MTUS1: variants seen among roughly 807,000 people sequenced by gnomAD.
MTUS1 encodes the protein microtubule associated scaffold protein 1.
A neutral mutation model predicts 120.8 loss-of-function variants in MTUS1; 109 were observed. The ratio of observed to expected loss-of-function variants is 0.90; its 90% confidence interval spans 0.77 to 1.06. The LOEUF (loss-of-function observed/expected upper bound fraction) is 1.06. MTUS1 is among the 50% of genes least tolerant of loss of function. The probability of loss-of-function intolerance (pLI) is 0.00; values close to 1 mark genes in which losing one functional copy is unlikely to be tolerated. For missense variants in MTUS1, 2,210 were observed against 1,486.3 expected, an observed-to-expected ratio of 1.49 and a Z score of -8.01; for synonymous variants, 737 against 550.5, an observed-to-expected ratio of 1.34 and a Z score of -4.74.
At chr8:17,695,364 G>C (rs183666029) in intron 6 of MTUS1, among the ~76,000 whole-genome samples, 1 of 152,248 alleles carries the variant, frequency 6.6e-6, no homozygotes, top group Admixed American at 6.5e-5. Context: ...CCTATCTCTG[G>C]CACTTACTGT....
At chr8:17,670,749 G>A (rs1406638039) in intron 8 of MTUS1, among the ~76,000 whole-genome samples, 3 of 152,048 alleles carry the variant, frequency 2.0e-5, no homozygotes, top group African/African-American at 7.3e-5. Flanking sequence ...CTTGAACCCG[G>A]AAGGCAGAGG....
chr8:17,667,964 G>A (rs1046462628), intron 8 of MTUS1, among the ~76,000 whole-genome samples: 10 of 152,126 alleles, frequency 6.6e-5, no homozygotes, highest in Non-Finnish European at 2.9e-5. Flanking sequence ...CACTATTATA[G>A]GAAGGGCAAG....
chr8:17,710,732 C>G (rs1193863572), intron 6 of MTUS1, among the ~76,000 whole-genome samples: 6 of 152,186 alleles, frequency 3.9e-5, no homozygotes, highest in South Asian at 2.1e-4. Flanking sequence ...CCCGTTCCAT[C>G]AGAGGAATCA....
At chr8:17,795,726 G>A (rs974329893) in intron 1 of MTUS1, among the ~76,000 whole-genome samples, 41 of 152,096 alleles carry the variant, frequency 2.7e-4, no homozygotes, top group African/African-American at 8.9e-4. Context: ...TGCAACCTCC[G>A]CCTCCCGGGT....
intron 1 of MTUS1, among the ~76,000 whole-genome samples, chr8:17,759,867 A>T (rs2048902063): frequency 6.6e-6 from 1 of 151,780 alleles, no homozygotes; most frequent in Non-Finnish European, 1.5e-5. Context: ...CAACCATTTA[A>T]CTTTCACTTA....
intron 6 of MTUS1, among the ~76,000 whole-genome samples, chr8:17,704,760 CTA>C: frequency 6.6e-6 from 1 of 152,110 alleles, no homozygotes; most frequent in Non-Finnish European, 1.5e-5. Flanking sequence ...CTCTGTCATT[CTA>C]TATGACTTTT....
chr8:17,761,024 T>G (rs532489875), intron 1 of MTUS1, among the ~76,000 whole-genome samples: 151 of 152,260 alleles, frequency 9.9e-4, no homozygotes, highest in South Asian at 5.0e-3. Flanking sequence ...GGAGATCTTT[T>G]TCAGAGAACA....
intron 1 of MTUS1, among the ~76,000 whole-genome samples, chr8:17,765,391 G>C (rs527990366): frequency 2.0e-5 from 3 of 152,214 alleles, no homozygotes; most frequent in African/African-American, 7.2e-5. Context: ...CACTTTGGGA[G>C]GCCGAGGCAG....
chr8:17,794,540 T>A (rs1488976678), intron 1 of MTUS1, among the ~76,000 whole-genome samples: 2 of 152,124 alleles, frequency 1.3e-5, no homozygotes, highest in African/African-American at 2.4e-5. Context: ...GCTCAGCCCT[T>A]TTAAATCCAT....
intron 1 of MTUS1, among the ~76,000 whole-genome samples, chr8:17,774,742 C>A (rs980679681): frequency 3.9e-5 from 6 of 151,974 alleles, no homozygotes; most frequent in Non-Finnish European, 5.9e-5. Context: ...CTTATACCCC[C>A]AAAAGCAGAA....
chr8:17,784,708 T>C (rs2131546013), intron 1 of MTUS1, among the ~76,000 whole-genome samples: 1 of 152,264 alleles, frequency 6.6e-6, no homozygotes, highest in Non-Finnish European at 1.5e-5. Context: ...GTTCCGTGGC[T>C]ACAGAATGGG....
chr8:17,783,306 T>C (rs1359827855), intron 1 of MTUS1, among the ~76,000 whole-genome samples: 1 of 152,138 alleles, frequency 6.6e-6, no homozygotes, highest in African/African-American at 2.4e-5. Flanking sequence ...GGAGTTGGAA[T>C]TTTCCAAACA....
chr8:17,756,124 C>T (rs900742379), intron 1 of MTUS1, 163 bp from the exon 2 acceptor site: 11 of 258,210 alleles, frequency 4.3e-5, no homozygotes, highest in East Asian at 1.9e-4. Flanking sequence ...AATCTATCAC[C>T]GCTTTTCAAG....
At chr8:17,677,509 A>C (rs1037674832) in intron 7 of MTUS1, among the ~76,000 whole-genome samples, 3 of 152,264 alleles carry the variant, frequency 2.0e-5, no homozygotes, top group Non-Finnish European at 4.4e-5. Flanking sequence ...TAAAAATTAC[A>C]GTTAGTATAA....
At chr8:17,785,341 A>C (rs1275444661) in intron 1 of MTUS1, among the ~76,000 whole-genome samples, 3 of 152,228 alleles carry the variant, frequency 2.0e-5, no homozygotes, top group African/African-American at 7.2e-5. Context: ...GAAAACAGTG[A>C]AATGTCACTT....
intron 1 of MTUS1, chr8:17,780,769 T>C (rs1366595944): frequency 6.6e-6 from 1 of 152,226 alleles, no homozygotes; most frequent in African/African-American, 2.4e-5. Context: ...TTCTGAATTG[T>C]ACTCAGTTCC....
rs1360022999 is a variant in MTUS1, at chr8:17,655,900, T to G, written c.3071A>C (p.Glu1024Ala). 2 of 1,614,092 alleles carry G rather than the reference T, an allele frequency of 1.2e-6. No homozygotes were observed. The highest frequency in any genetic ancestry group is 1.7e-6 in the Non-Finnish European group (2 of 1,180,040). ...TTGCATTTTGTACTTCTCTGCTTCT[T>G]CAATGTAAGTGTCCCGAAGCTTTTC... ...EYEKLRDTYI[E>A]EAEKYKMQLQ... is the part of the protein sequence containing the mutation. Residue 1024 changes from glutamate (E) to alanine (A), a missense_variant, in exon 9 of 15, where the codon GAA becomes GCA. Physicochemically the swap from Glu to Ala is moderately radical, Grantham distance 107 (BLOSUM62 -1). Transcript: ENST00000693296.
At position 17,715,891 on chromosome 8, in the gene MTUS1, G is replaced by A. The variant is rs373457770; in HGVS notation, c.2460C>T (p.Ala820=). The A allele has an allele frequency of 2.4e-4, 386 of 1,610,666 alleles. No homozygotes were observed. Among genetic ancestry groups the A allele is most frequent in the Non-Finnish European group, 3.0e-4 (358 of 1,179,166 alleles). The change falls in exon 5 of 15, where the codon GCC becomes GCT. Residue 820 remains alanine, a synonymous_variant. Coordinates refer to ENST00000693296, the MANE Select transcript of MTUS1 (RefSeq NM_001363059.2). ...LSTYSNNSGN[A]AVIKYEEKPP... ...GTTTCTCCTCATATTTGATGACAGCGGCATTACCAGCTGTAATAAAACAGA... is the reference window on the plus strand; with the variant it reads ...GTTTCTCCTCATATTTGATGACAGCAGCATTACCAGCTGTAATAAAACAGA...
At chr8:17,684,625 A>T (rs1393384863) in intron 6 of MTUS1, 83 bp from the exon 7 acceptor site, 1 of 1,072,018 alleles carries the variant, frequency 9.3e-7, no homozygotes, top group Non-Finnish European at 1.4e-6. Context: ...AAACAACCAG[A>T]TAAGCCACAG....
Sources: allele counts gnomAD v4.1 joint callset (sites outside exome capture counted in the v4.1 genomes callset), GRCh38; gene constraint gnomAD v4.1.1; transcripts MANE v1.5; gene names NCBI Gene and HGNC (gene_info 2026-07-23, HGNC 2026-07-21).